ITGBL1: variants seen among roughly 807,000 people sequenced by gnomAD.
ITGBL1 encodes the protein integrin beta-like protein 1.
ITGBL1 carries 51 observed loss-of-function variants against 68.5 expected under a neutral mutation model. The observed-to-expected ratio is 0.74, with a 90% CI of 0.59 to 0.94. The LOEUF is 0.94. Among genes scored for constraint, ITGBL1 ranks in the 40% least tolerant of loss-of-function variants. The pLI is 0.00. For synonymous variants in ITGBL1, 209 were observed against 227.3 expected, an observed-to-expected ratio of 0.92 and a Z score of 0.72; for missense variants, 649 against 647.4, an observed-to-expected ratio of 1.00 and a Z score of -0.03.
intron 7 of ITGBL1, among the ~76,000 whole-genome samples, chr13:101,617,132 A>G (rs1344618535): frequency 6.6e-6 from 1 of 152,184 alleles, no homozygotes; most frequent in Non-Finnish European, 1.5e-5. Context: ...TGAGCTACAT[A>G]TGCTTTAACT....
intron 2 of ITGBL1, among the ~76,000 whole-genome samples, chr13:101,547,663 A>G (rs894744861): frequency 6.6e-6 from 1 of 151,816 alleles, no homozygotes; most frequent in African/African-American, 2.4e-5. Flanking sequence ...GGATGGCTAC[A>G]GTCAAAAATA....
intron 7 of ITGBL1, among the ~76,000 whole-genome samples, chr13:101,648,452 C>T (rs1032107902): frequency 1.3e-5 from 2 of 152,168 alleles, no homozygotes; most frequent in African/African-American, 2.4e-5. Flanking sequence ...AAGAGATAGA[C>T]ATTTAATGAT....
chr13:101,710,517 T>C (rs1298284979), intron 9 of ITGBL1, among the ~76,000 whole-genome samples: 8 of 152,106 alleles, frequency 5.3e-5, no homozygotes. Flanking sequence ...TTTAACATGG[T>C]GATGGAAAAG....
chr13:101,604,887 T>TATATGTATATATATATATAC lies in ITGBL1; in HGVS notation c.1015+6589_1015+6590insTATGTATATATATATATACA. Among the ~76,000 whole-genome samples the TATATGTATATATATATATAC allele has an allele frequency of 6.3e-4, 14 of 22,166 alleles. 1 individual carries two copies. Among genetic ancestry groups the TATATGTATATATATATATAC allele is most frequent in the South Asian group, 2.6e-3 (1 of 390 alleles). 14.5% of individuals were successfully genotyped at this position (22,166 alleles called of 152,430 possible). On this transcript the variant is annotated intron_variant, in intron 7 of 10. Coordinates refer to ENST00000376180, the MANE Select transcript of ITGBL1 (RefSeq NM_004791.3). ...ATATATATATATATATATATATATA[T>TATATGTATATATATATATAC]ACACACACACACACATATATATGTG...
rs193115254 is a variant in ITGBL1, at chr13:101,630,851, A to G, written c.1015+32552A>G. 1.9e-4 allele frequency among the ~76,000 whole-genome samples: 29 copies of G among 152,112 alleles called. No individual in the cohort carries two copies. In the East Asian group the frequency reaches 5.4e-3, roughly 28 times the overall value. On this transcript the variant is annotated intron_variant, in intron 7 of 10. Transcript: ENST00000376180. ...AGTTGCCTCTCTGTCTCTGTATGGC[A>G]TTTTTGTTATTGTTTAATTGGAGCT...
chr13:101,476,019 C>T (rs1487270053), intron 2 of ITGBL1, among the ~76,000 whole-genome samples: 1 of 152,084 alleles, frequency 6.6e-6, no homozygotes, highest in Admixed American at 6.6e-5. Flanking sequence ...ACAAAACTCT[C>T]TGGTAATAGT....
At chr13:101,463,171 G>A (rs548520835) in intron 2 of ITGBL1, among the ~76,000 whole-genome samples, 4 of 152,244 alleles carry the variant, frequency 2.6e-5, no homozygotes, top group Admixed American at 6.5e-5. Flanking sequence ...CTACCCTAGC[G>A]TAATTCCTGG....
At chr13:101,660,722 C>T (rs906446486) in intron 7 of ITGBL1, among the ~76,000 whole-genome samples, 13 of 152,266 alleles carry the variant, frequency 8.5e-5, no homozygotes, top group African/African-American at 2.4e-5. Flanking sequence ...AAGACAGCCA[C>T]CCTTGAGGCT....
At chr13:101,670,043 T>C (rs562098969) in intron 7 of ITGBL1, among the ~76,000 whole-genome samples, 1 of 152,336 alleles carries the variant, frequency 6.6e-6, no homozygotes, top group East Asian at 1.9e-4. Flanking sequence ...TGTGGTCTGA[T>C]GCTGGAAAAT....
At position 101,540,190 on chromosome 13, in the gene ITGBL1, A is replaced by C. The variant is rs866829984; in HGVS notation, c.317-27509A>C. On this transcript the variant is annotated intron_variant, in intron 2 of 10. Transcript: ENST00000376180. Reference sequence around the variant, plus strand: ...CTAGGGTTTTTATGGTTTTAGGTCTAACATTTAAGTCTTTAATACATCTTG... The same window carrying C: ...CTAGGGTTTTTATGGTTTTAGGTCTCACATTTAAGTCTTTAATACATCTTG... Among the ~76,000 whole-genome samples the C allele has an allele frequency of 3.9e-3, 598 of 152,254 alleles. 7 individuals are homozygous for C. The highest frequency in any genetic ancestry group is 0.014 in the Middle Eastern group (4 of 292).
At chr13:101,692,473 C>T (rs763456470) in intron 7 of ITGBL1, 112 bp from the exon 8 acceptor site, 2 of 722,416 alleles carry the variant, frequency 2.8e-6, no homozygotes, top group Non-Finnish European at 5.0e-6. Flanking sequence ...TTATCAGGCA[C>T]AGACTGGAAC....
intron 7 of ITGBL1, among the ~76,000 whole-genome samples, chr13:101,635,570 G>A (rs1439985250): frequency 1.3e-5 from 2 of 151,910 alleles, no homozygotes; most frequent in Admixed American, 6.6e-5. Context: ...TATGAAATGT[G>A]GCCATATTTC....
intron 2 of ITGBL1, among the ~76,000 whole-genome samples, chr13:101,477,151 A>G (rs1419681980): frequency 6.6e-6 from 1 of 152,172 alleles, no homozygotes; most frequent in East Asian, 1.9e-4. Context: ...ATCTTCTCAG[A>G]CCACAATGGA....
intron 7 of ITGBL1, among the ~76,000 whole-genome samples, chr13:101,664,270 C>T (rs922226157): frequency 6.6e-6 from 1 of 152,118 alleles, no homozygotes; most frequent in African/African-American, 2.4e-5. Flanking sequence ...TATAAAGTTA[C>T]AGAGTGTCAG....
downstream of ITGBL1, chr13:101,719,970 C>T (rs1012668933): frequency 3.3e-5 from 5 of 151,990 alleles, no homozygotes; most frequent in Non-Finnish European, 7.4e-5. Context: ...TTGAGTTTAC[C>T]AACTTATTTA....
intron 2 of ITGBL1, among the ~76,000 whole-genome samples, chr13:101,478,429 C>A (rs1051722839): frequency 7.2e-5 from 11 of 151,984 alleles, no homozygotes; most frequent in Admixed American, 7.2e-4. Context: ...GAACACGATA[C>A]GGATGCCCAC....
chr13:101,604,887 T>TATATATATACACACATACATACACAC, intron 7 of ITGBL1, among the ~76,000 whole-genome samples: 1 of 22,164 alleles, frequency 4.5e-5, no homozygotes, highest in Non-Finnish European at 8.2e-5. Context: ...TATATATATA[T>TATATATATACACACATACATACACAC]ACACACACAC....
intron 2 of ITGBL1, among the ~76,000 whole-genome samples, chr13:101,480,417 CAAT>C (rs1256046908): frequency 6.6e-6 from 1 of 151,418 alleles, no homozygotes; most frequent in Non-Finnish European, 1.5e-5. Context: ...TTTGATAGCT[CAAT>C]GATGCTATTT....
Position 101,619,872 on chromosome 13 carries a change from G to T in ITGBL1, c.1015+21573G>T, listed in dbSNP as rs148142421. ...TTAGTTGAGATATGATTTTCTTCTT[G>T]GCTTTTTTCTTGCTTTGTCTTAAAA... On this transcript the variant is annotated intron_variant, in intron 7 of 10. Coordinates refer to ENST00000376180, the MANE Select transcript of ITGBL1 (RefSeq NM_004791.3). Among the ~76,000 whole-genome samples, 1,196 of 152,058 alleles carry T rather than the reference G, an allele frequency of 7.9e-3. 16 individuals are homozygous for T. The highest frequency in any genetic ancestry group is 0.028 in the African/African-American group (1,160 of 41,496).
Sources: allele counts gnomAD v4.1 joint callset (sites outside exome capture counted in the v4.1 genomes callset), GRCh38; gene constraint gnomAD v4.1.1; transcripts MANE v1.5; gene names NCBI Gene and HGNC (gene_info 2026-07-23, HGNC 2026-07-21).